Variants in NUDT3 observed in about 807,000 individuals in gnomAD.
NUDT3 encodes nudix hydrolase 3, also known as diphosphoinositol polyphosphate phosphohydrolase 1.
Under a neutral mutation model 23.6 loss-of-function variants are expected in NUDT3, and 9 were observed. The ratio of observed to expected loss-of-function variants is 0.38; its 90% confidence interval spans 0.23 to 0.66. The LOEUF is 0.66. Ranked by LOEUF, NUDT3 falls within the 30% of genes least tolerant of loss-of-function variation. The pLI is 0.52. For missense variants in NUDT3, 172 were observed against 218.5 expected (o/e 0.79, Z 1.34); for synonymous variants, 86 against 82.6 (o/e 1.04, Z -0.22).
intron 2 of NUDT3, among the ~76,000 whole-genome samples, chr6:34,312,054 G>C (rs1374432460): frequency 1.3e-5 from 2 of 152,122 alleles, no homozygotes; most frequent in African/African-American, 2.4e-5. Context: ...CAGAATACCT[G>C]AAAGAAAAAA....
chr6:34,359,880 A>T (rs761162058), intron 1 of NUDT3, among the ~76,000 whole-genome samples: 5 of 152,262 alleles, frequency 3.3e-5, no homozygotes, highest in Non-Finnish European at 5.9e-5. Context: ...CATTCCCACC[A>T]GCAATGTATG....
chr6:34,336,305 TG>T (rs1764208446), intron 2 of NUDT3, among the ~76,000 whole-genome samples: 1 of 152,048 alleles, frequency 6.6e-6, no homozygotes, highest in Non-Finnish European at 1.5e-5. Flanking sequence ...TTGAGTGGGG[TG>T]GGGGAGTTTG....
intron 2 of NUDT3, among the ~76,000 whole-genome samples, chr6:34,320,922 C>T (rs1432239951): frequency 1.3e-5 from 2 of 152,110 alleles, no homozygotes; most frequent in African/African-American, 4.8e-5. Flanking sequence ...AAAGCACTTA[C>T]ATATCAGCAT....
chr6:34,378,228 A>G (rs909836144), intron 1 of NUDT3, among the ~76,000 whole-genome samples: 1 of 151,794 alleles, frequency 6.6e-6, no homozygotes, highest in African/African-American at 2.4e-5. Flanking sequence ...GCTTGCGCCC[A>G]GGAGGATGAG....
chr6:34,311,909 T>TA (rs1296612295), intron 2 of NUDT3, among the ~76,000 whole-genome samples: 1 of 152,052 alleles, frequency 6.6e-6, no homozygotes, highest in East Asian at 1.9e-4. Context: ...TTTGTACCCT[T>TA]AAAAAAAATT....
chr6:34,334,838 A>G (rs999777884), intron 2 of NUDT3, among the ~76,000 whole-genome samples: 4 of 151,792 alleles, frequency 2.6e-5, no homozygotes, highest in Non-Finnish European at 4.4e-5. Flanking sequence ...GGGGCTGAGG[A>G]AGGAAGATTG....
At chr6:34,352,547 A>T (rs537135628) in intron 1 of NUDT3, among the ~76,000 whole-genome samples, 16 of 152,310 alleles carry the variant, frequency 1.1e-4, no homozygotes, top group African/African-American at 3.6e-4. Flanking sequence ...CCACAGTCTT[A>T]GAACTACAGG....
At chr6:34,322,819 A>G (rs1763966071) in intron 2 of NUDT3, among the ~76,000 whole-genome samples, 1 of 152,244 alleles carries the variant, frequency 6.6e-6, no homozygotes, top group African/African-American at 2.4e-5. Flanking sequence ...GATGCATGCT[A>G]CTATTCACAA....
chr6:34,302,463 T>A (rs28415406), intron 2 of NUDT3, among the ~76,000 whole-genome samples: 1 of 152,232 alleles, frequency 6.6e-6, no homozygotes, highest in Non-Finnish European at 1.5e-5. Context: ...CCGGGTGCGG[T>A]GGCTCATGCC....
rs959837342 is a variant in NUDT3, at chr6:34,287,552, T to A, written c.*1201A>T. The A allele has an allele frequency of 6.6e-6, 1 of 152,246 alleles. No individual in the cohort carries two copies. The highest frequency in any genetic ancestry group is 6.5e-5 in the Admixed American group (1 of 15,292). 9.4% of individuals were successfully genotyped at this position (152,246 alleles called of 1,614,324 possible). A position where few individuals can be genotyped will look rare whatever the true frequency, so the allele number is the denominator to read the frequency against. ...TAATAGCTCTGAGCATGCTCCATGGTGCAATCACAAGTGCCATGCCAATAC... is the reference window on the plus strand; with the variant it reads ...TAATAGCTCTGAGCATGCTCCATGGAGCAATCACAAGTGCCATGCCAATAC... On this transcript the variant is annotated 3_prime_UTR_variant, in exon 5 of 5. Transcript: ENST00000607016.
chr6:34,367,868 G>A (rs928068042), intron 1 of NUDT3, among the ~76,000 whole-genome samples: 5 of 152,204 alleles, frequency 3.3e-5, no homozygotes, highest in Non-Finnish European at 1.5e-5. Context: ...ATTTTGGGGA[G>A]TGGGGAAAGC....
intron 4 of NUDT3, 141 bp from the exon 5 acceptor site, chr6:34,289,072 T>A: frequency 9.3e-7 from 1 of 1,070,472 alleles, no homozygotes; most frequent in Non-Finnish European, 1.3e-6. Context: ...GCACACTTCA[T>A]ATGCTTCAAA....
At chr6:34,301,673 G>C (rs985320279) in intron 2 of NUDT3, among the ~76,000 whole-genome samples, 3 of 152,234 alleles carry the variant, frequency 2.0e-5, no homozygotes, top group African/African-American at 7.2e-5. Flanking sequence ...CATCTGAATA[G>C]TCCAGCTGAC....
intron 1 of NUDT3, among the ~76,000 whole-genome samples, chr6:34,346,572 G>C (rs1764374057): frequency 6.6e-6 from 1 of 152,160 alleles, no homozygotes; most frequent in Admixed American, 6.6e-5. Context: ...TCTAGCAAGT[G>C]TTATTGCTTT....
intron 2 of NUDT3, among the ~76,000 whole-genome samples, chr6:34,310,991 GAAAA>G (rs751477783): frequency 3.1e-4 from 38 of 122,218 alleles, no homozygotes; most frequent in African/African-American, 1.0e-3. Context: ...GACACAGAAG[GAAAA>G]AAAAAAAAAA....
intron 2 of NUDT3, among the ~76,000 whole-genome samples, chr6:34,297,729 A>AT (rs1561898907): frequency 1.2e-3 from 45 of 38,854 alleles, no homozygotes; most frequent in South Asian, 2.7e-3. Flanking sequence ...AAAAAAAAAA[A>AT]AATATATATA....
chr6:34,346,220 AG>A (rs1225636725), intron 1 of NUDT3, among the ~76,000 whole-genome samples: 1 of 152,216 alleles, frequency 6.6e-6, no homozygotes, highest in African/African-American at 2.4e-5. Context: ...TTAAAAAAAA[AG>A]GCCTCCAAAG....
Position 34,351,214 on chromosome 6 carries a change from A to AAAAAAAAC in NUDT3, c.100-9243_100-9242insGTTTTTTT, listed in dbSNP as rs1275062731. On this transcript the variant is annotated intron_variant, in intron 1 of 4. Coordinates refer to ENST00000607016, the MANE Select transcript of NUDT3 (RefSeq NM_006703.4). The stretch of plus-strand genomic sequence containing the variant: ...TCCCCTGCCTAAAAAAAAAAAAAAA[A>AAAAAAAAC]AAAAAAAAAAAACACTTTGGGAGGC... Among the ~76,000 whole-genome samples, 340 of 136,372 alleles carry AAAAAAAAC rather than the reference A, an allele frequency of 2.5e-3. 17 individuals carry two copies. The highest frequency in any genetic ancestry group is 4.1e-3 in the Admixed American group (56 of 13,504). 89.5% of individuals were successfully genotyped at this position (136,372 alleles called of 152,430 possible).
At chr6:34,380,786 C>T (rs1029053641) in intron 1 of NUDT3, among the ~76,000 whole-genome samples, 1 of 152,174 alleles carries the variant, frequency 6.6e-6, no homozygotes, top group African/African-American at 2.4e-5. Flanking sequence ...TCTTTATCCA[C>T]AATACGTTAA....
Sources: allele counts gnomAD v4.1 joint callset (sites outside exome capture counted in the v4.1 genomes callset), GRCh38; gene constraint gnomAD v4.1.1; transcripts MANE v1.5; gene names NCBI Gene and HGNC (gene_info 2026-07-23, HGNC 2026-07-21).